ADD3: variants seen among roughly 807,000 people sequenced by gnomAD.
The protein encoded by ADD3 is gamma-adducin.
A neutral mutation model predicts 80.2 loss-of-function variants in ADD3; 25 were observed. The ratio of observed to expected loss-of-function variants is 0.31; its 90% CI spans 0.23 to 0.44. ADD3 has a LOEUF of 0.44. Among genes scored for constraint, ADD3 ranks in the 20% least tolerant of loss-of-function variants. ADD3 has a pLI of 1.00. For synonymous variants in ADD3, 284 were observed against 289.6 expected (o/e 0.98, Z 0.20); for missense variants, 829 against 847.5 (o/e 0.98, Z 0.27).
intron 9 of ADD3, among the ~76,000 whole-genome samples, chr10:110,122,985 T>A (rs998030280): frequency 6.6e-6 from 1 of 152,182 alleles, no homozygotes; most frequent in Non-Finnish European, 1.5e-5. Context: ...TATTTGTCTT[T>A]CTGTGCCTGG....
chr10:110,091,499 C>CT (rs1463504743), intron 1 of ADD3, among the ~76,000 whole-genome samples: 3 of 152,188 alleles, frequency 2.0e-5, no homozygotes, highest in Non-Finnish European at 2.9e-5. Context: ...ACCATCTGAT[C>CT]TTTGACAAAG....
At chr10:110,039,225 C>T (rs1420627485) in intron 1 of ADD3, among the ~76,000 whole-genome samples, 1 of 147,438 alleles carries the variant, frequency 6.8e-6, no homozygotes, top group Non-Finnish European at 1.5e-5. Context: ...TTGCCCCACT[C>T]AGTCAGTCCG....
At chr10:110,045,523 T>C (rs1856820224) in intron 1 of ADD3, among the ~76,000 whole-genome samples, 1 of 152,208 alleles carries the variant, frequency 6.6e-6, no homozygotes, top group African/African-American at 2.4e-5. Context: ...ACAAGTCCAC[T>C]TACATGCAGA....
chr10:110,125,527 G>T (rs2134184533), intron 10 of ADD3, among the ~76,000 whole-genome samples: 1 of 151,866 alleles, frequency 6.6e-6, no homozygotes, highest in African/African-American at 2.4e-5. Flanking sequence ...GTGAGATCAT[G>T]CTCTCTGTGC....
chr10:110,125,704 C>A, intron 10 of ADD3, 122 bp from the exon 11 acceptor site: 1 of 608,086 alleles, frequency 1.6e-6, no homozygotes, highest in Non-Finnish European at 2.7e-6. Context: ...CACTAAGATA[C>A]TGCTTAGTGA....
intron 12 of ADD3, among the ~76,000 whole-genome samples, chr10:110,129,179 T>C (rs7914476): frequency 0.13 from 19,478 of 150,394 alleles, 4,171 homozygotes; most frequent in African/African-American, 0.45. Flanking sequence ...GACGGAGTTT[T>C]GTTCTTGTTG....
intron 1 of ADD3, among the ~76,000 whole-genome samples, chr10:110,021,810 A>T (rs917951472): frequency 6.6e-6 from 1 of 152,192 alleles, no homozygotes; most frequent in Non-Finnish European, 1.5e-5. Context: ...GTTGTGCAAC[A>T]TTGCGAATAT....
chr10:110,016,267 A>G (rs372653601), intron 1 of ADD3, among the ~76,000 whole-genome samples: 48 of 152,198 alleles, frequency 3.2e-4, no homozygotes, highest in African/African-American at 1.0e-3. Context: ...GTTCCTGGAG[A>G]AACCAGGCCC....
chr10:110,025,891 T>A (rs933011033), intron 1 of ADD3, among the ~76,000 whole-genome samples: 2 of 152,162 alleles, frequency 1.3e-5, no homozygotes, highest in Non-Finnish European at 2.9e-5. Flanking sequence ...TGAGGCTTCT[T>A]TTCAAGATAT....
At chr10:110,075,706 A>C (rs1845312404) in intron 1 of ADD3, 1 of 152,212 alleles carries the variant, frequency 6.6e-6, no homozygotes, top group South Asian at 2.1e-4. Flanking sequence ...ATAATAACCA[A>C]CTGGTAACTT....
chr10:110,057,317 G>T (rs1858322368), intron 1 of ADD3, among the ~76,000 whole-genome samples: 1 of 152,150 alleles, frequency 6.6e-6, no homozygotes, highest in South Asian at 2.1e-4. Context: ...CCTTAAAGAT[G>T]CAGGAAAACA....
chr10:110,063,723 A>AATATATATATTCATTATATATATATAT (rs1843479260), intron 1 of ADD3, among the ~76,000 whole-genome samples: 1 of 98,952 alleles, frequency 1.0e-5, no homozygotes, highest in East Asian at 2.8e-4. Context: ...GATGAATATG[A>AATATATATATTCATTATATATATATAT]ATATATATAT....
intron 2 of ADD3, among the ~76,000 whole-genome samples, chr10:110,110,716 G>A (rs1165835061): frequency 6.6e-6 from 1 of 151,474 alleles, no homozygotes; most frequent in African/African-American, 2.4e-5. Flanking sequence ...TAAAGTTCCT[G>A]GCTGAGTGTG....
At chr10:110,095,238 A>G (rs141561210) in intron 1 of ADD3, among the ~76,000 whole-genome samples, 1 of 152,344 alleles carries the variant, frequency 6.6e-6, no homozygotes, top group African/African-American at 2.4e-5. Flanking sequence ...GATAATTCAC[A>G]TACCATGCCA....
chr10:110,081,121 G>T (rs1846004178), intron 1 of ADD3, among the ~76,000 whole-genome samples: 1 of 152,176 alleles, frequency 6.6e-6, no homozygotes, highest in South Asian at 2.1e-4. Context: ...TTGTATGTTT[G>T]TGTGGTGGTT....
chr10:110,050,594 C>A (rs2133387409), intron 1 of ADD3, among the ~76,000 whole-genome samples: 1 of 151,204 alleles, frequency 6.6e-6, no homozygotes, highest in East Asian at 2.0e-4. Flanking sequence ...CTCAATGCAA[C>A]CTCTGCCTCC....
At chr10:110,070,943 G>GT (rs11340876) in intron 1 of ADD3, among the ~76,000 whole-genome samples, 177 of 103,414 alleles carry the variant, frequency 1.7e-3, no homozygotes, top group African/African-American at 3.4e-3. Context: ...CATCATGTGG[G>GT]TTTTTTTTTT....
chr10:110,067,094 C>CTG (rs1395572600), intron 1 of ADD3, among the ~76,000 whole-genome samples: 1 of 152,150 alleles, frequency 6.6e-6, no homozygotes, highest in African/African-American at 2.4e-5. Flanking sequence ...TGCTTGTTAA[C>CTG]TGTATAGTGC....
chr10:110,111,851 T>C (rs1305550061), intron 2 of ADD3, among the ~76,000 whole-genome samples: 2 of 151,416 alleles, frequency 1.3e-5, no homozygotes, highest in Admixed American at 6.6e-5. Context: ...AGGCGGAGGT[T>C]GCGGTGAGTT....
Sources: allele counts gnomAD v4.1 joint callset (sites outside exome capture counted in the v4.1 genomes callset), GRCh38; gene constraint gnomAD v4.1.1; transcripts MANE v1.5; gene names NCBI Gene and HGNC (gene_info 2026-07-23, HGNC 2026-07-21).